Variants in MATN2 observed in about 807,000 individuals in gnomAD.
The protein encoded by MATN2 is matrilin 2, also known as matrilin-2.
A neutral mutation model predicts 103.2 loss-of-function variants in MATN2; 69 were observed. The ratio of observed to expected loss-of-function variants is 0.67; its 90% CI spans 0.55 to 0.82. The LOEUF (loss-of-function observed/expected upper bound fraction) is 0.82. MATN2 is among the 40% of genes least tolerant of loss of function. The probability of loss-of-function intolerance (pLI) is 0.00; values close to 1 mark genes in which losing one functional copy is unlikely to be tolerated. For missense variants in MATN2, 1,023 were observed against 1,211.5 expected (o/e 0.84, Z 2.31); for synonymous variants, 429 against 450.2 (o/e 0.95, Z 0.60).
At chr8:98,008,582 TC>T (rs1426080343) in intron 10 of MATN2, among the ~76,000 whole-genome samples, 6 of 152,176 alleles carry the variant, frequency 3.9e-5, no homozygotes, top group African/African-American at 1.4e-4. Context: ...TTGGGACAGA[TC>T]CTTGGATCTT....
chr8:97,960,582 C>T (rs946119031), intron 4 of MATN2, among the ~76,000 whole-genome samples: 5 of 152,176 alleles, frequency 3.3e-5, no homozygotes, highest in East Asian at 1.9e-4. Context: ...AATAAGACCA[C>T]GAATAGACAT....
intron 4 of MATN2, among the ~76,000 whole-genome samples, chr8:97,945,444 C>T (rs994285874): frequency 3.9e-5 from 6 of 152,110 alleles, no homozygotes. Flanking sequence ...TCATTTGAGA[C>T]TGTCCCATGA....
chr8:98,026,312 T>C (rs1310413559), intron 13 of MATN2, among the ~76,000 whole-genome samples: 1 of 151,330 alleles, frequency 6.6e-6, no homozygotes, highest in African/African-American at 2.4e-5. Context: ...CAGACTGAAG[T>C]GCAGCGGCAC....
At chr8:97,981,043 A>G (rs1324127367) in intron 6 of MATN2, among the ~76,000 whole-genome samples, 1 of 151,674 alleles carries the variant, frequency 6.6e-6, no homozygotes, top group Non-Finnish European at 1.5e-5. Flanking sequence ...TTAGCCAGGT[A>G]TGGTGACAAG....
intron 5 of MATN2, among the ~76,000 whole-genome samples, chr8:97,973,340 G>A (rs1413510253): frequency 6.6e-6 from 1 of 152,168 alleles, no homozygotes; most frequent in Non-Finnish European, 1.5e-5. Flanking sequence ...AAAACATTAT[G>A]AGAGTCAAGA....
chr8:97,928,757 A>C (rs1351482879), intron 2 of MATN2, among the ~76,000 whole-genome samples: 2 of 152,196 alleles, frequency 1.3e-5, no homozygotes, highest in East Asian at 1.9e-4. Context: ...GGAGTTCCCA[A>C]GTGCTGGATC....
At chr8:98,034,576 G>A (rs1449716779) in intron 18 of MATN2, among the ~76,000 whole-genome samples, 1 of 152,052 alleles carries the variant, frequency 6.6e-6, no homozygotes, top group Non-Finnish European at 1.5e-5. Context: ...CCCTCAAGAG[G>A]GCAGATAGAG....
At chr8:97,915,587 G>A (rs558798106) in intron 2 of MATN2, among the ~76,000 whole-genome samples, 20 of 152,232 alleles carry the variant, frequency 1.3e-4, no homozygotes, top group Non-Finnish European at 2.1e-4. Flanking sequence ...GCCCTGAGGC[G>A]CTGTGTTTTG....
chr8:97,930,960 C>T lies in MATN2; in HGVS notation c.150C>T (p.Ser50=). 6.2e-7 allele frequency: 1 copy of T among 1,605,856 alleles called. No individual in the cohort carries two copies. Among genetic ancestry groups the T allele is most frequent in the Non-Finnish European group, 8.5e-7 (1 of 1,175,116 alleles). The change falls in exon 3 of 19, where the codon TCC becomes TCT. Residue 50 remains serine, a synonymous_variant. Coordinates refer to ENST00000254898, the MANE Select transcript of MATN2 (RefSeq NM_002380.5). ...THPQTALLES[S]CENKRADLVF... ...CCTCTCCTCTTTCCCCAGAGAGTTCCTGTGAGAACAAGCGGGCAGACCTGG... is the reference window on the plus strand; with the variant it reads ...CCTCTCCTCTTTCCCCAGAGAGTTCTTGTGAGAACAAGCGGGCAGACCTGG...
Position 98,018,057 on chromosome 8 carries a change from CAT to C in MATN2, c.1762_1763del (p.Tyr588HisfsTer12), listed in dbSNP as rs770240541. 4 of 1,613,946 alleles carry C rather than the reference CAT, an allele frequency of 2.5e-6. No homozygotes were observed. The South Asian group carries it at 4.4e-5, about 18-fold the overall frequency. ...CACATTTGTGTGAACAGTGATGACT[CAT>C]ACACGTGCGAGTGCTTGGAGGGATT... On this transcript the variant is annotated frameshift_variant, in exon 12 of 19. Transcript: ENST00000254898. LOFTEE classifies it high-confidence loss of function.
rs987349358 is a variant in MATN2, at chr8:97,930,831, A to G, written c.143-122A>G. The G allele has an allele frequency of 9.6e-6, 6 of 628,196 alleles. No individual in the cohort carries two copies. In the Admixed American group the frequency reaches 1.2e-4, roughly 12 times the overall value. 38.9% of individuals were successfully genotyped at this position (628,196 alleles called of 1,614,324 possible). Reference sequence around the variant, plus strand: ...GAGACAGGGTTTTACAGTGTTGACCAGGCTGGTCTTGAATTCCTGACCTCA... The same window carrying G: ...GAGACAGGGTTTTACAGTGTTGACCGGGCTGGTCTTGAATTCCTGACCTCA... On this transcript the variant is annotated intron_variant, in intron 2 of 18. Coordinates refer to ENST00000254898, the MANE Select transcript of MATN2 (RefSeq NM_002380.5).
At chr8:97,879,358 A>G (rs1818178219) in intron 1 of MATN2, among the ~76,000 whole-genome samples, 1 of 152,186 alleles carries the variant, frequency 6.6e-6, no homozygotes, top group Non-Finnish European at 1.5e-5. Context: ...TGTGGGGGCC[A>G]CCATGGTCAG....
intron 7 of MATN2, among the ~76,000 whole-genome samples, chr8:98,002,811 A>C (rs562844056): frequency 6.6e-6 from 1 of 152,100 alleles, no homozygotes; most frequent in Non-Finnish European, 1.5e-5. Flanking sequence ...GATTTAGTGA[A>C]GTTTGCCTGC....
In MATN2 at chr8:97,974,099, C is replaced by A. The variant is rs560672353; in HGVS notation, c.959-4787C>A. Among the ~76,000 whole-genome samples the A allele has an allele frequency of 1.2e-3, 187 of 152,116 alleles. 1 individual carries two copies. In the South Asian group the frequency reaches 0.018, roughly 15 times the overall value. ...TCAACAAAATTTTTATTTTTAAAAA[C>A]TCAGTTTCTTTTAGTGCTTATATTT... On this transcript the variant is annotated intron_variant, in intron 5 of 18. Coordinates refer to ENST00000254898, the MANE Select transcript of MATN2 (RefSeq NM_002380.5).
rs571621924 is a variant in MATN2 at position 97,951,421 on chromosome 8, G to A, written c.835+9522G>A. 2.7e-3 allele frequency among the ~76,000 whole-genome samples: 415 copies of A among 152,246 alleles called. 2 individuals are homozygous for A. The highest frequency in any genetic ancestry group is 9.8e-3 in the African/African-American group (407 of 41,548). On this transcript the variant is annotated intron_variant, in intron 4 of 18. Transcript: ENST00000254898. ...CTTGGCTGTTTTTATGAGGACCCAG[G>A]CAAGTGGTTCTCAAAGTGTGGTCCC...
intron 2 of MATN2, among the ~76,000 whole-genome samples, chr8:97,898,580 A>C (rs1818889790): frequency 6.6e-6 from 1 of 150,990 alleles, no homozygotes; most frequent in South Asian, 2.1e-4. Context: ...CTGGGCAACA[A>C]GAGTGAAACT....
intron 5 of MATN2, among the ~76,000 whole-genome samples, chr8:97,977,926 C>T (rs192224549): frequency 6.6e-6 from 1 of 152,282 alleles, no homozygotes; most frequent in East Asian, 1.9e-4. Flanking sequence ...AGAGAGGCCT[C>T]TCCTGACCAC....
At chr8:98,022,004 A>G (rs1447730570) in intron 13 of MATN2, among the ~76,000 whole-genome samples, 1 of 152,224 alleles carries the variant, frequency 6.6e-6, no homozygotes, top group Non-Finnish European at 1.5e-5. Context: ...CAGTTCTAGA[A>G]GTTTATCTTA....
chr8:98,007,082 C>T lies in MATN2; in HGVS notation c.1328-23C>T. 1 of 1,591,562 alleles carries T rather than the reference C, an allele frequency of 6.3e-7. No individual in the cohort carries two copies. Among genetic ancestry groups the T allele is most frequent in the East Asian group, 2.3e-5 (1 of 43,720 alleles). On this transcript the variant is annotated intron_variant, in intron 8 of 18. Transcript: ENST00000254898. The surrounding 1 kb of genome is among the most constrained non-coding windows in gnomAD (Gnocchi z 4.2). Reference sequence around the variant, plus strand: ...GTATTGCCCCCTCGGCTCCTCTATGCTTTCGCGTGTGTGAAAATGCAGGAG... The same window carrying T: ...GTATTGCCCCCTCGGCTCCTCTATGTTTTCGCGTGTGTGAAAATGCAGGAG...
Sources: gnomAD v4.1 joint callset for allele counts (sites outside exome capture counted in the v4.1 genomes callset) on GRCh38, gnomAD v4.1.1 for gene constraint, Gnocchi (gnomAD v3.1) non-coding constraint, MANE v1.5 for transcripts, NCBI Gene and HGNC (gene_info 2026-07-23, HGNC 2026-07-21) for gene names.